MTUS2: variants seen among roughly 807,000 people sequenced by gnomAD.
The protein encoded by MTUS2 is microtubule-associated tumor suppressor candidate 2.
In MTUS2, 40 loss-of-function variants were observed where a neutral mutation model predicts 114.1. The ratio of observed to expected loss-of-function variants is 0.35; its 90% CI spans 0.27 to 0.46. MTUS2 has a LOEUF of 0.46. Ranked by LOEUF, MTUS2 falls within the 20% of genes least tolerant of loss-of-function variation. The pLI is 1.00. For synonymous variants in MTUS2, 688 were observed against 672.0 expected, an observed-to-expected ratio of 1.02 and a Z score of -0.37; for missense variants, 1,679 against 1,705.4, an observed-to-expected ratio of 0.98 and a Z score of 0.27.
chr13:29,162,942 A>G (rs1337384462), intron 5 of MTUS2, among the ~76,000 whole-genome samples: 2 of 152,138 alleles, frequency 1.3e-5, no homozygotes, highest in Non-Finnish European at 2.9e-5. Flanking sequence ...TGCACTCTGA[A>G]GGTCAGGAGA....
At chr13:28,952,424 T>G (rs1277961435) in intron 2 of MTUS2, among the ~76,000 whole-genome samples, 1 of 152,268 alleles carries the variant, frequency 6.6e-6, no homozygotes, top group Non-Finnish European at 1.5e-5. Context: ...TCATGTACAT[T>G]CCTGCAAATT....
chr13:28,918,781 G>A (rs927671271), intron 2 of MTUS2, among the ~76,000 whole-genome samples: 2 of 151,804 alleles, frequency 1.3e-5, no homozygotes, highest in African/African-American at 4.8e-5. Context: ...TTTTAGTGAA[G>A]GTGATGTTCT....
At chr13:29,287,831 T>G (rs1898553239) in intron 6 of MTUS2, among the ~76,000 whole-genome samples, 1 of 152,208 alleles carries the variant, frequency 6.6e-6, no homozygotes, top group African/African-American at 2.4e-5. Context: ...GATAGGATGT[T>G]CTGGAGATGT....
intron 5 of MTUS2, among the ~76,000 whole-genome samples, chr13:29,116,807 G>A (rs938276814): frequency 3.9e-5 from 6 of 152,070 alleles, no homozygotes; most frequent in Non-Finnish European, 5.9e-5. Context: ...TTCCCATCCT[G>A]GATGGGACTG....
intron 3 of MTUS2, among the ~76,000 whole-genome samples, chr13:29,027,749 C>CACCGTGGTCTTGATCTCCTG (rs1267455094): frequency 3.9e-5 from 6 of 152,106 alleles, no homozygotes; most frequent in Non-Finnish European, 7.4e-5. Flanking sequence ...GATGGGGTTT[C>CACCGTGGTCTTGATCTCCTG]ACCGTGGTCT....
intron 9 of MTUS2, among the ~76,000 whole-genome samples, chr13:29,469,617 A>G (rs1880124902): frequency 6.8e-6 from 1 of 147,572 alleles, no homozygotes; most frequent in African/African-American, 2.6e-5. Flanking sequence ...ACAGAGCAAG[A>G]CTATGTCTCA....
intron 2 of MTUS2, among the ~76,000 whole-genome samples, chr13:28,846,046 T>TAAAAAA (rs34933871): frequency 8.3e-6 from 1 of 119,984 alleles, no homozygotes; most frequent in African/African-American, 2.9e-5. Context: ...GTCTTTTTCT[T>TAAAAAA]AAAAAAAAAA....
chr13:29,376,027 G>A (rs9508428), intron 8 of MTUS2, among the ~76,000 whole-genome samples: 207 of 135,564 alleles, frequency 1.5e-3, no homozygotes, highest in African/African-American at 5.9e-3. Flanking sequence ...GTATGTGTGT[G>A]TATATATATA....
At chr13:29,361,992 C>T (rs1212994381) in intron 8 of MTUS2, among the ~76,000 whole-genome samples, 32 of 152,190 alleles carry the variant, frequency 2.1e-4, no homozygotes, top group Admixed American at 2.1e-3. Context: ...CAAGTTCCTG[C>T]CTCTGTGCAC....
intron 5 of MTUS2, among the ~76,000 whole-genome samples, chr13:29,130,104 A>G (rs1658594760): frequency 6.6e-6 from 1 of 152,176 alleles, no homozygotes. Flanking sequence ...GAGTGAGTCC[A>G]AGAAGAGAGA....
chr13:29,152,776 C>T (rs1892710905), intron 5 of MTUS2, among the ~76,000 whole-genome samples: 1 of 152,004 alleles, frequency 6.6e-6, no homozygotes, highest in Admixed American at 6.6e-5. Flanking sequence ...TCAGAAGTGA[C>T]ATCCCATATG....
At chr13:29,192,337 TAAAGA>T in intron 5 of MTUS2, among the ~76,000 whole-genome samples, 1 of 152,216 alleles carries the variant, frequency 6.6e-6, no homozygotes, top group Middle Eastern at 3.4e-3. Context: ...ATGTGGAAAC[TAAAGA>T]AAAGTTGATG....
intron 2 of MTUS2, among the ~76,000 whole-genome samples, chr13:28,947,052 G>A (rs1212941311): frequency 6.6e-6 from 1 of 152,110 alleles, no homozygotes. Context: ...GAGTAAGAAG[G>A]GCCCCCAGGA....
chr13:29,395,129 A>G (rs1006429852), intron 8 of MTUS2, among the ~76,000 whole-genome samples: 6 of 152,174 alleles, frequency 3.9e-5, no homozygotes, highest in African/African-American at 1.2e-4. Context: ...GAGATGCTAT[A>G]CTAGAGTCAG....
intron 2 of MTUS2, among the ~76,000 whole-genome samples, chr13:28,995,747 G>A (rs1207166575): frequency 6.6e-6 from 1 of 152,186 alleles, no homozygotes; most frequent in Non-Finnish European, 1.5e-5. Context: ...CATCGATTTT[G>A]TATCCTGAGA....
intron 9 of MTUS2, among the ~76,000 whole-genome samples, chr13:29,440,520 C>T (rs999576941): frequency 6.6e-5 from 10 of 152,126 alleles, no homozygotes; most frequent in South Asian, 6.2e-4. Context: ...GCTGATGAAA[C>T]GGTTTGGTTC....
At chr13:29,479,858 C>A (rs563125008) in intron 9 of MTUS2, among the ~76,000 whole-genome samples, 8 of 152,308 alleles carry the variant, frequency 5.3e-5, no homozygotes, top group Non-Finnish European at 1.2e-4. Flanking sequence ...GCCCTAGAGG[C>A]CTTGCAATCA....
In MTUS2 at chr13:29,501,110, T is replaced by C; in HGVS notation, c.3812T>C (p.Ile1271Thr). The change falls in exon 15 of 16, where the codon ATT becomes ACT. Residue 1271 changes from isoleucine (I) to threonine (T), a missense_variant. Transcript: ENST00000612955. ...LELEKLAEKNIILEEKIQVLQ... is the reference protein window; with the variant it reads ...LELEKLAEKNTILEEKIQVLQ... The stretch of plus-strand genomic sequence containing the variant: ...TTTCCTTTGTAGGCAGAAAAGAACA[T>C]TATCCTAGAAGAAAAGATCCAGGTT... 1 of 1,614,036 alleles carries C rather than the reference T, an allele frequency of 6.2e-7. No individual in the cohort carries two copies. The highest frequency in any genetic ancestry group is 8.5e-7 in the Non-Finnish European group (1 of 1,179,940).
intron 2 of MTUS2, among the ~76,000 whole-genome samples, chr13:28,925,110 TG>T (rs1299642445): frequency 6.6e-6 from 1 of 152,122 alleles, no homozygotes. Flanking sequence ...GGCCGTGGAA[TG>T]GTTTGGGTTA....
Sources: allele counts gnomAD v4.1 joint callset (sites outside exome capture counted in the v4.1 genomes callset), GRCh38; gene constraint gnomAD v4.1.1; transcripts MANE v1.5; gene names NCBI Gene and HGNC (gene_info 2026-07-23, HGNC 2026-07-21).